The following DMAC2 variants were observed in gnomAD, a reference collection of about 807,000 sequenced individuals.
The protein encoded by DMAC2 is distal membrane arm assembly component 2.
In DMAC2, 32 loss-of-function variants were observed where a neutral mutation model predicts 29.6. The ratio of observed to expected loss-of-function variants is 1.08; its 90% confidence interval spans 0.81 to 1.45. The LOEUF (loss-of-function observed/expected upper bound fraction) is 1.45. DMAC2 is among the 40% of genes most tolerant of loss of function. DMAC2 has a pLI of 0.00. For synonymous variants in DMAC2, 133 were observed against 137.4 expected, an observed-to-expected ratio of 0.97 and a Z score of 0.23; for missense variants, 319 against 340.0, an observed-to-expected ratio of 0.94 and a Z score of 0.49.
In DMAC2 at chr19:41,432,783, C is replaced by CGTGCGTGTGTGT. The variant is rs1555769722; in HGVS notation, c.597-376_597-375insACACACACGCAC. The CGTGCGTGTGTGT allele has an allele frequency of 9.9e-6, 3 of 303,312 alleles. No homozygotes were observed. In the African/African-American group the frequency reaches 1.0e-4, roughly 10 times the overall value. The allele number at this position is 303,312 out of a possible 1,614,324, so 18.8% of individuals were successfully genotyped here. A position where few individuals can be genotyped will look rare whatever the true frequency, so the allele number is the denominator to read the frequency against. On this transcript the variant is annotated intron_variant, in intron 5 of 5. Coordinates refer to ENST00000221943, the MANE Select transcript of DMAC2 (RefSeq NM_018035.3). Reference sequence around the variant, plus strand: ...GTGTAGGGAGGTACAGGACAGCGTGCGTGTGTGTGTGTGTGTGTGTGTGTG... The same window carrying CGTGCGTGTGTGT: ...GTGTAGGGAGGTACAGGACAGCGTGCGTGCGTGTGTGTGTGTGTGTGTGTGTGTGTGTGTGTG...
At chr19:41,432,462 G>C in intron 5 of DMAC2, 54 bp from the exon 6 acceptor site, 2 of 1,562,260 alleles carry the variant, frequency 1.3e-6, no homozygotes, top group Non-Finnish European at 1.8e-6. Flanking sequence ...ATGTGTGTGT[G>C]TGTAGGGAGG....
chr19:41,433,218 G>A (rs1185145376), intron 5 of DMAC2, 54 bp downstream of exon 5: 4 of 1,539,606 alleles, frequency 2.6e-6, no homozygotes, highest in South Asian at 1.2e-5. Flanking sequence ...CCTGCATCTG[G>A]GTTAGGTGGG....
chr19:41,432,098 T>C lies in DMAC2; in HGVS notation c.*133A>G, dbSNP rs2039539318. On this transcript the variant is annotated 3_prime_UTR_variant, in exon 6 of 6. Transcript: ENST00000221943. ...ATAAATACTGGGAACTCACGCTCTC[T>C]CCTGTGATTGGCCAGCACCACTCCC... 3.0e-6 allele frequency: 3 copies of C among 1,016,586 alleles called. No individual in the cohort carries two copies. The highest frequency in any genetic ancestry group is 4.3e-6 in the Non-Finnish European group (3 of 690,170). The allele number at this position is 1,016,586 out of a possible 1,614,324, so 63.0% of individuals were successfully genotyped here.
chr19:41,437,753 T>C (rs1226793971), intron 2 of DMAC2, among the ~76,000 whole-genome samples: 2 of 151,628 alleles, frequency 1.3e-5, no homozygotes, highest in Non-Finnish European at 2.9e-5. Flanking sequence ...TATTGAGTGA[T>C]TCAACTATAA....
At position 41,433,561 on chromosome 19, in the gene DMAC2, T is replaced by C; in HGVS notation, c.409A>G (p.Asn137Asp). Residue 137 changes from asparagine (N) to aspartate (D), a missense_variant, in exon 4 of 6, where the codon AAC becomes GAC. Physicochemically the swap from Asn to Asp is conservative, Grantham distance 23. Transcript: ENST00000221943. ...EAVDAGDCDI[N>D]YEGLDNLLRL... ...CGGAGGTTATCCAGGCCCTCGTAGT[T>C]GATGTCACAGTCACCGGCATCCACA... The C allele has an allele frequency of 6.2e-7, 1 of 1,614,152 alleles. No individual in the cohort carries two copies. Among genetic ancestry groups the C allele is most frequent in the Non-Finnish European group, 8.5e-7 (1 of 1,180,026 alleles).
intron 5 of DMAC2, chr19:41,433,053 AC>A (rs2039658604): frequency 3.5e-6 from 2 of 569,954 alleles, no homozygotes; most frequent in African/African-American, 3.8e-5. Flanking sequence ...TCGATATCAC[AC>A]AGTTTTGACT....
Position 41,432,207 on chromosome 19 carries a change from CG to C in DMAC2, c.*23del. On this transcript the variant is annotated 3_prime_UTR_variant, in exon 6 of 6. Transcript: ENST00000221943. ...TTCCATGCAGCCCGCTGAGAAGCCA[CG>C]TGAGTGGGGACAGGGCTAAAGGCTA... 6.2e-7 allele frequency: 1 copy of C among 1,602,970 alleles called. No homozygotes were observed. The highest frequency in any genetic ancestry group is 1.3e-5 in the African/African-American group (1 of 74,806).
intron 3 of DMAC2, among the ~76,000 whole-genome samples, chr19:41,436,111 G>C (rs1181933706): frequency 3.3e-5 from 5 of 152,132 alleles, no homozygotes; most frequent in African/African-American, 1.2e-4. Context: ...CCTGACCTCA[G>C]GTGATCCGCC....
At chr19:41,439,654 C>T (rs1228173837) in intron 1 of DMAC2, 8 of 1,373,474 alleles carry the variant, frequency 5.8e-6, no homozygotes, top group African/African-American at 1.4e-5. Flanking sequence ...ATACTCTCAG[C>T]CAAGTCCCTG....
chr19:41,434,014 C>T (rs1176517196), intron 3 of DMAC2, among the ~76,000 whole-genome samples: 10 of 152,082 alleles, frequency 6.6e-5, no homozygotes, highest in African/African-American at 2.2e-4. Flanking sequence ...GGGCGGACTA[C>T]GAGGTCAGGA....
At chr19:41,434,166 C>T (rs1296277315) in intron 3 of DMAC2, among the ~76,000 whole-genome samples, 6 of 151,536 alleles carry the variant, frequency 4.0e-5, no homozygotes, top group East Asian at 1.9e-4. Flanking sequence ...ACCTGGGAGG[C>T]GGAGCTTGCA....
rs2039670401 is a variant in DMAC2, at chr19:41,433,258, A to G, written c.596+14T>C. 1 of 1,601,866 alleles carries G rather than the reference A, an allele frequency of 6.2e-7. No homozygotes were observed. Among genetic ancestry groups the G allele is most frequent in the African/African-American group, 1.3e-5 (1 of 74,742 alleles). ...GTGCCTGGGCATGTGGCCCAGCCTGAGCTGAGGTCTCACTGGAGGTGGTGG... is the reference window on the plus strand; with the variant it reads ...GTGCCTGGGCATGTGGCCCAGCCTGGGCTGAGGTCTCACTGGAGGTGGTGG... On this transcript the variant is annotated intron_variant, in intron 5 of 5. Coordinates refer to ENST00000221943, the MANE Select transcript of DMAC2 (RefSeq NM_018035.3).
chr19:41,431,410 T>A lies in DMAC2; in HGVS notation c.*821A>T, dbSNP rs533445263. The A allele has an allele frequency of 1.1e-5, 5 of 466,006 alleles. No individual in the cohort carries two copies. Among genetic ancestry groups the A allele is most frequent in the African/African-American group, 9.9e-5 (5 of 50,440 alleles). 28.9% of individuals were successfully genotyped at this position (466,006 alleles called of 1,614,324 possible). A position where few individuals can be genotyped will look rare whatever the true frequency, so the allele number is the denominator to read the frequency against. ...CTTCACTGGTAAAATGCTTCTGAAT[T>A]GACTGGAAATCCATTTGGGGTGCTG... On this transcript the variant is annotated 3_prime_UTR_variant, in exon 6 of 6. Transcript: ENST00000221943.
Position 41,433,297 on chromosome 19 carries a change from C to A in DMAC2, c.571G>T (p.Gly191Cys), listed in dbSNP as rs1555770003. The change falls in exon 5 of 6, where the codon GGC becomes TGC. Residue 191 changes from glycine to cysteine, a missense_variant. Gly to Cys is a radical substitution (Grantham distance 159). Transcript: ENST00000221943. ...TGGAGGTGGTGGAGGCAGGCGAGGCCCCGTTCGGAGATGCGGGGGCAACCG... is the reference window on the plus strand; with the variant it reads ...TGGAGGTGGTGGAGGCAGGCGAGGCACCGTTCGGAGATGCGGGGGCAACCG... ...LAGCPRISER[G>C]LACLHHLQNL... 1.2e-6 allele frequency: 2 copies of A among 1,610,220 alleles called. No individual in the cohort carries two copies. The highest frequency in any genetic ancestry group is 2.7e-5 in the African/African-American group (2 of 74,888).
intron 2 of DMAC2, 102 bp downstream of exon 2, chr19:41,438,116 C>G (rs1600028590): frequency 3.7e-6 from 4 of 1,091,720 alleles, no homozygotes; most frequent in Non-Finnish European, 5.4e-6. Flanking sequence ...GACATCAAGG[C>G]TGGCACTGGA....
intron 2 of DMAC2, 64 bp downstream of exon 2, chr19:41,438,154 G>C (rs571364517): frequency 4.1e-4 from 609 of 1,494,266 alleles, no homozygotes; most frequent in Admixed American, 8.1e-4. Context: ...GGAATGGCAA[G>C]GACAGGACCT....
intron 2 of DMAC2, among the ~76,000 whole-genome samples, chr19:41,437,961 T>C (rs1555771691): frequency 6.6e-6 from 1 of 152,152 alleles, no homozygotes; most frequent in East Asian, 1.9e-4. Flanking sequence ...TGAGCAGATG[T>C]TTTTAGGGGA....
intron 2 of DMAC2, among the ~76,000 whole-genome samples, chr19:41,437,420 G>A (rs782723254): frequency 6.0e-5 from 9 of 148,990 alleles, no homozygotes; most frequent in African/African-American, 1.7e-4. Flanking sequence ...AAATTTTGGC[G>A]GGGTGTGGTG....
intron 2 of DMAC2, among the ~76,000 whole-genome samples, chr19:41,438,001 G>A (rs2039960724): frequency 6.6e-6 from 1 of 152,222 alleles, no homozygotes; most frequent in African/African-American, 2.4e-5. Flanking sequence ...AGCCATGTTA[G>A]GTTTGAGATG....
Sources: allele counts gnomAD v4.1 joint callset (sites outside exome capture counted in the v4.1 genomes callset), GRCh38; gene constraint gnomAD v4.1.1; transcripts MANE v1.5; gene names NCBI Gene and HGNC (gene_info 2026-07-23, HGNC 2026-07-21).